The following NKAIN3 variants were observed in gnomAD, a reference collection of about 807,000 sequenced individuals.
NKAIN3 encodes the protein sodium/potassium transporting ATPase interacting 3.
In NKAIN3, 25 loss-of-function variants were observed where a neutral mutation model predicts 30.2. The ratio of observed to expected loss-of-function variants is 0.83; its 90% CI spans 0.60 to 1.16. The LOEUF (loss-of-function observed/expected upper bound fraction) is 1.16, where lower values mean the gene tolerates loss of function less well. Among genes scored for constraint, NKAIN3 ranks in the 50% most tolerant of loss-of-function variants. The pLI, the probability that NKAIN3 is intolerant of heterozygous loss-of-function variation, is 0.00. For missense variants in NKAIN3, 225 were observed against 254.1 expected (o/e 0.89, Z 0.78); for synonymous variants, 91 against 89.6 (o/e 1.02, Z -0.09).
intron 1 of NKAIN3, among the ~76,000 whole-genome samples, chr8:62,493,718 T>G (rs1477156978): frequency 1.3e-5 from 2 of 152,178 alleles, no homozygotes; most frequent in African/African-American, 2.4e-5. Context: ...CAGTGTTTTG[T>G]AATTCTCAAT....
intron 3 of NKAIN3, among the ~76,000 whole-genome samples, chr8:62,739,569 G>A (rs1252662107): frequency 6.6e-6 from 1 of 151,998 alleles, no homozygotes; most frequent in Non-Finnish European, 1.5e-5. Flanking sequence ...CAAAAAAATT[G>A]AAATCCATGC....
chr8:62,594,861 CT>C (rs1810774223), intron 3 of NKAIN3, among the ~76,000 whole-genome samples: 1 of 147,582 alleles, frequency 6.8e-6, no homozygotes, highest in Non-Finnish European at 1.5e-5. Context: ...TTCCCTTCTT[CT>C]TTTTTGTCAA....
intron 5 of NKAIN3, among the ~76,000 whole-genome samples, chr8:62,935,005 C>T (rs533468093): frequency 3.3e-5 from 5 of 152,240 alleles, no homozygotes; most frequent in African/African-American, 7.2e-5. Context: ...TCTGCCTCCA[C>T]GGAGTTTTCT....
intron 4 of NKAIN3, among the ~76,000 whole-genome samples, chr8:62,782,611 G>T (rs1367853935): frequency 6.6e-6 from 1 of 151,660 alleles, no homozygotes; most frequent in Non-Finnish European, 1.5e-5. Flanking sequence ...ATAAAGTCAT[G>T]TCATTCACTA....
chr8:62,602,838 A>G (rs576142850), intron 3 of NKAIN3, among the ~76,000 whole-genome samples: 2 of 152,204 alleles, frequency 1.3e-5, no homozygotes, highest in South Asian at 4.1e-4. Flanking sequence ...ATAAGTCAAT[A>G]TTTATTTTTA....
chr8:62,567,205 A>G (rs1387879684), intron 1 of NKAIN3, among the ~76,000 whole-genome samples: 1 of 152,128 alleles, frequency 6.6e-6, no homozygotes, highest in Non-Finnish European at 1.5e-5. Flanking sequence ...TTGGTCCTAG[A>G]AGGAGTGGAA....
intron 1 of NKAIN3, among the ~76,000 whole-genome samples, chr8:62,286,047 C>T (rs565196388): frequency 2.0e-5 from 3 of 152,094 alleles, no homozygotes; most frequent in Admixed American, 1.3e-4. Context: ...CCAAGTACTA[C>T]GTATATTATA....
chr8:62,412,934 A>C (rs1194778136), intron 1 of NKAIN3, among the ~76,000 whole-genome samples: 1 of 148,932 alleles, frequency 6.7e-6, no homozygotes, highest in Non-Finnish European at 1.5e-5. Flanking sequence ...AAAAAAAAAA[A>C]ACAGCAAAAC....
intron 4 of NKAIN3, among the ~76,000 whole-genome samples, chr8:62,811,539 T>C (rs1818488097): frequency 6.6e-6 from 1 of 152,054 alleles, no homozygotes; most frequent in South Asian, 2.1e-4. Flanking sequence ...TTTTTCATTA[T>C]TGTCATTATT....
intron 3 of NKAIN3, among the ~76,000 whole-genome samples, chr8:62,656,867 A>G (rs916578995): frequency 2.0e-5 from 3 of 152,206 alleles, no homozygotes; most frequent in Non-Finnish European, 1.5e-5. Flanking sequence ...ACACTTATGA[A>G]CAAGGAAAGA....
At chr8:62,503,878 A>G (rs1015317473) in intron 1 of NKAIN3, among the ~76,000 whole-genome samples, 2 of 152,158 alleles carry the variant, frequency 1.3e-5, no homozygotes, top group African/African-American at 4.8e-5. Context: ...CACACGTTTT[A>G]CAATCAATTT....
At chr8:62,267,360 T>C (rs2059716356) in intron 1 of NKAIN3, among the ~76,000 whole-genome samples, 1 of 152,208 alleles carries the variant, frequency 6.6e-6, no homozygotes, top group Admixed American at 6.5e-5. Flanking sequence ...GATTACTAAG[T>C]CAGTGAAACA....
At chr8:62,634,677 G>A (rs1812070484) in intron 3 of NKAIN3, among the ~76,000 whole-genome samples, 1 of 152,180 alleles carries the variant, frequency 6.6e-6, no homozygotes, top group Non-Finnish European at 1.5e-5. Flanking sequence ...AGCTAGGAGA[G>A]GAGAGACAGA....
intron 1 of NKAIN3, among the ~76,000 whole-genome samples, chr8:62,376,741 A>T (rs1006546734): frequency 2.0e-5 from 3 of 152,174 alleles, no homozygotes; most frequent in African/African-American, 7.2e-5. Context: ...AAAAATGCAA[A>T]TATATTTACA....
chr8:62,351,173 C>CAG (rs201173962), intron 1 of NKAIN3, among the ~76,000 whole-genome samples: 5,999 of 149,558 alleles, frequency 0.04, 426 homozygotes, highest in African/African-American at 0.14. Context: ...AGTCATCCCT[C>CAG]TGTTCCCTGG....
intron 1 of NKAIN3, among the ~76,000 whole-genome samples, chr8:62,281,229 A>G (rs949906095): frequency 6.6e-6 from 1 of 151,920 alleles, no homozygotes; most frequent in Non-Finnish European, 1.5e-5. Context: ...ATCCCCCTCT[A>G]TCATTTTTTA....
At chr8:62,589,094 T>A (rs1441624561) in intron 2 of NKAIN3, among the ~76,000 whole-genome samples, 1 of 151,946 alleles carries the variant, frequency 6.6e-6, no homozygotes, top group East Asian at 1.9e-4. Context: ...ATTTGTTGGC[T>A]GGATATGATT....
intron 5 of NKAIN3, among the ~76,000 whole-genome samples, chr8:62,927,617 C>T (rs1375403231): frequency 6.6e-6 from 1 of 151,980 alleles, no homozygotes; most frequent in African/African-American, 2.4e-5. Context: ...ATCTATTATG[C>T]CTCAATTTTT....
intron 1 of NKAIN3, among the ~76,000 whole-genome samples, chr8:62,336,625 C>A (rs771731496): frequency 6.6e-6 from 1 of 151,890 alleles, no homozygotes; most frequent in Non-Finnish European, 1.5e-5. Flanking sequence ...CAACACCACA[C>A]CCCCAGGTAA....
Sources: gnomAD v4.1 joint callset for allele counts (sites outside exome capture counted in the v4.1 genomes callset) on GRCh38, gnomAD v4.1.1 for gene constraint, MANE v1.5 for transcripts, NCBI Gene and HGNC (gene_info 2026-07-23, HGNC 2026-07-21) for gene names.